DCDC1: variants seen among roughly 807,000 people sequenced by gnomAD.
The protein encoded by DCDC1 is doublecortin domain-containing protein 1.
Under a neutral mutation model 178.3 loss-of-function variants are expected in DCDC1, and 200 were observed. The ratio of observed to expected loss-of-function variants is 1.12; its 90% CI spans 1.00 to 1.26. DCDC1 has a LOEUF of 1.26. DCDC1 is among the 50% of genes most tolerant of loss of function. The probability of loss-of-function intolerance (pLI) is 0.00; values close to 1 mark genes in which losing one functional copy is unlikely to be tolerated. For synonymous variants in DCDC1, 690 were observed against 604.8 expected (o/e 1.14, Z -2.07); for missense variants, 1,983 against 1,749.2 (o/e 1.13, Z -2.38).
chr11:31,206,631 A>G (rs1971900041), intron 9 of DCDC1, among the ~76,000 whole-genome samples: 1 of 151,992 alleles, frequency 6.6e-6, no homozygotes, highest in Non-Finnish European at 1.5e-5. Context: ...GCCAGGCTGC[A>G]CTTGAACTCC....
chr11:31,001,270 G>T (rs766259437), intron 20 of DCDC1, among the ~76,000 whole-genome samples: 10 of 151,784 alleles, frequency 6.6e-5, no homozygotes, highest in Non-Finnish European at 1.3e-4. Context: ...ATTTTGAAAG[G>T]CTTATAAACC....
intron 9 of DCDC1, among the ~76,000 whole-genome samples, chr11:31,196,146 C>A (rs10835751): frequency 0.26 from 39,991 of 151,750 alleles, 5,418 homozygotes; most frequent in African/African-American, 0.32. Flanking sequence ...TTTCCTCTTC[C>A]CATCTTATTC....
intron 20 of DCDC1, among the ~76,000 whole-genome samples, chr11:31,060,981 G>A (rs917611535): frequency 1.3e-5 from 2 of 152,092 alleles, no homozygotes; most frequent in Non-Finnish European, 2.9e-5. Flanking sequence ...GAAGAGAAAT[G>A]TCAGTGCGAT....
At chr11:30,994,769 TATA>T (rs1951167245) in intron 20 of DCDC1, among the ~76,000 whole-genome samples, 1 of 145,550 alleles carries the variant, frequency 6.9e-6, no homozygotes, top group African/African-American at 2.5e-5. Context: ...ATTTGTTTAT[TATA>T]ATATTTATTA....
intron 8 of DCDC1, among the ~76,000 whole-genome samples, chr11:31,263,841 C>A (rs1944961741): frequency 6.6e-6 from 1 of 152,184 alleles, no homozygotes; most frequent in Admixed American, 6.5e-5. Flanking sequence ...TATTTAATAT[C>A]TTGGCCCTCC....
At chr11:31,107,071 A>T (rs1163774962) in intron 12 of DCDC1, 111 bp from the exon 13 acceptor site, 5 of 608,216 alleles carry the variant, frequency 8.2e-6, no homozygotes, top group Non-Finnish European at 1.5e-5. Context: ...CAAACAAATG[A>T]TAATTAAATT....
At chr11:31,296,754 A>G (rs2137477830) in intron 6 of DCDC1, among the ~76,000 whole-genome samples, 1 of 152,296 alleles carries the variant, frequency 6.6e-6, no homozygotes, top group East Asian at 1.9e-4. Context: ...TCCTCTTCAC[A>G]GTGTGGAAAG....
At chr11:31,231,555 A>G (rs540180967) in intron 9 of DCDC1, among the ~76,000 whole-genome samples, 1 of 152,270 alleles carries the variant, frequency 6.6e-6, no homozygotes, top group East Asian at 1.9e-4. Flanking sequence ...TTTTAGTAAA[A>G]AGTGCATATA....
intron 11 of DCDC1, among the ~76,000 whole-genome samples, chr11:31,116,580 A>G (rs1405204347): frequency 6.6e-6 from 1 of 152,068 alleles, no homozygotes; most frequent in Non-Finnish European, 1.5e-5. Context: ...TATATGATAT[A>G]GTATAAATCA....
At chr11:30,978,835 T>C (rs757218439) in intron 20 of DCDC1, among the ~76,000 whole-genome samples, 13 of 121,840 alleles carry the variant, frequency 1.1e-4, no homozygotes, top group Non-Finnish European at 2.1e-4. Flanking sequence ...CACCCCCTTC[T>C]CAGCCTCTGG....
At chr11:31,002,335 C>T (rs924809845) in intron 20 of DCDC1, among the ~76,000 whole-genome samples, 1 of 152,144 alleles carries the variant, frequency 6.6e-6, no homozygotes, top group Admixed American at 6.5e-5. Flanking sequence ...TCTTTTTTAA[C>T]ATTTCTATAT....
At chr11:30,971,861 A>G (rs548501858) in intron 20 of DCDC1, among the ~76,000 whole-genome samples, 1 of 152,190 alleles carries the variant, frequency 6.6e-6, no homozygotes, top group East Asian at 1.9e-4. Context: ...GGCCTGCCTC[A>G]GCCTCCCAAA....
chr11:31,131,744 C>A (rs187477199), intron 10 of DCDC1, among the ~76,000 whole-genome samples: 1 of 152,310 alleles, frequency 6.6e-6, no homozygotes, highest in East Asian at 1.9e-4. Context: ...GTTATGCAGT[C>A]TTTAAAGTCT....
chr11:31,067,626 T>C (rs1956322521), intron 18 of DCDC1, among the ~76,000 whole-genome samples: 1 of 151,964 alleles, frequency 6.6e-6, no homozygotes, highest in Non-Finnish European at 1.5e-5. Context: ...GTAGCCAAAA[T>C]AGTGGAAAGA....
chr11:30,884,183 A>C (rs1942962406), intron 36 of DCDC1, among the ~76,000 whole-genome samples: 1 of 151,726 alleles, frequency 6.6e-6, no homozygotes, highest in Non-Finnish European at 1.5e-5. Flanking sequence ...ACAGGCGTGC[A>C]CCACCATGTC....
chr11:30,902,006 G>T (rs1944713022), intron 32 of DCDC1, among the ~76,000 whole-genome samples: 1 of 151,936 alleles, frequency 6.6e-6, no homozygotes, highest in African/African-American at 2.4e-5. Flanking sequence ...AGGACCAAAT[G>T]AATATATTAA....
intron 2 of DCDC1, among the ~76,000 whole-genome samples, chr11:31,329,715 C>T (rs1459512913): frequency 6.6e-6 from 1 of 152,200 alleles, no homozygotes; most frequent in Admixed American, 6.5e-5. Context: ...CATGTCCCTA[C>T]AAAGGACATG....
chr11:30,984,355 A>G (rs1950536415), intron 20 of DCDC1, among the ~76,000 whole-genome samples: 2 of 152,176 alleles, frequency 1.3e-5, no homozygotes, highest in African/African-American at 4.8e-5. Flanking sequence ...TCTTGTCTGT[A>G]TTCTCACTGC....
chr11:31,255,404 C>T (rs548362399), intron 8 of DCDC1, among the ~76,000 whole-genome samples: 2 of 152,276 alleles, frequency 1.3e-5, no homozygotes, highest in South Asian at 4.1e-4. Context: ...GCACCATTAT[C>T]CATTTCCACA....
Sources: allele counts gnomAD v4.1 joint callset (sites outside exome capture counted in the v4.1 genomes callset), GRCh38; gene constraint gnomAD v4.1.1; transcripts MANE v1.5; gene names NCBI Gene and HGNC (gene_info 2026-07-23, HGNC 2026-07-21).